Variants in STK39 observed in about 807,000 individuals in gnomAD.
STK39 encodes STE20/SPS1-related proline-alanine-rich protein kinase.
Under a neutral mutation model 77.8 loss-of-function variants are expected in STK39, and 20 were observed. That is an observed-to-expected ratio of 0.26 (90% CI 0.18 to 0.37). STK39 has a LOEUF of 0.37. Ranked by LOEUF, STK39 falls within the 10% of genes least tolerant of loss-of-function variation. The pLI is 1.00. For missense variants in STK39, 479 were observed against 656.5 expected (o/e 0.73, Z 2.95); for synonymous variants, 246 against 234.1 (o/e 1.05, Z -0.47).
chr2:168,109,202 T>C (rs1260361173), intron 10 of STK39, among the ~76,000 whole-genome samples: 2 of 152,250 alleles, frequency 1.3e-5, no homozygotes, highest in African/African-American at 2.4e-5. Context: ...AAAATATTGC[T>C]ACATGGCACA....
intron 1 of STK39, among the ~76,000 whole-genome samples, chr2:168,241,270 C>T (rs906692081): frequency 1.3e-5 from 2 of 152,206 alleles, no homozygotes; most frequent in African/African-American, 4.8e-5. Context: ...CCTCTGTCCT[C>T]GCACTGGCTG....
At chr2:168,057,378 A>C (rs1314513199) in intron 14 of STK39, among the ~76,000 whole-genome samples, 1 of 152,136 alleles carries the variant, frequency 6.6e-6, no homozygotes, top group East Asian at 1.9e-4. Flanking sequence ...TTTTTAGTAG[A>C]GACAGGGTTT....
intron 10 of STK39, among the ~76,000 whole-genome samples, chr2:168,077,414 C>A (rs1230430718): frequency 1.3e-5 from 2 of 151,646 alleles, no homozygotes; most frequent in Non-Finnish European, 2.9e-5. Flanking sequence ...ATTTTAGAGC[C>A]CTGGCTCTCT....
intron 1 of STK39, among the ~76,000 whole-genome samples, chr2:168,219,572 T>C (rs986687751): frequency 1.3e-5 from 2 of 152,130 alleles, no homozygotes; most frequent in African/African-American, 2.4e-5. Context: ...GTCAGACAGA[T>C]GCCCTTAGCT....
At chr2:168,013,836 A>G (rs78229625) in intron 15 of STK39, among the ~76,000 whole-genome samples, 1,228 of 87,108 alleles carry the variant, frequency 0.014, 12 homozygotes, top group African/African-American at 0.055. Context: ...GTGTGTGTGT[A>G]TGTGTTTGCA....
intron 14 of STK39, among the ~76,000 whole-genome samples, chr2:168,046,227 G>A (rs1015118799): frequency 1.3e-5 from 2 of 152,144 alleles, no homozygotes; most frequent in African/African-American, 2.4e-5. Context: ...TTAGCCGGGC[G>A]TGGTGGTGCA....
chr2:168,061,920 G>A (rs1685675255), intron 14 of STK39, among the ~76,000 whole-genome samples: 1 of 152,168 alleles, frequency 6.6e-6, no homozygotes. Flanking sequence ...TCTGATATTT[G>A]CACTAAGGGG....
chr2:168,164,283 AAC>A (rs775467743), intron 3 of STK39, among the ~76,000 whole-genome samples: 2 of 152,352 alleles, frequency 1.3e-5, no homozygotes, highest in Non-Finnish European at 2.9e-5. Context: ...AGAGAAAAAA[AAC>A]ACACTCTTTG....
chr2:167,993,257 C>T (rs1444386845), intron 16 of STK39, among the ~76,000 whole-genome samples: 2 of 152,210 alleles, frequency 1.3e-5, no homozygotes, highest in African/African-American at 4.8e-5. Flanking sequence ...AGCCTTCCAC[C>T]CCAATGTGCC....
intron 14 of STK39, among the ~76,000 whole-genome samples, chr2:168,018,714 T>G (rs1472177128): frequency 6.6e-6 from 1 of 152,152 alleles, no homozygotes; most frequent in Non-Finnish European, 1.5e-5. Context: ...GCTGGGAAAC[T>G]GAGCATTCGC....
At chr2:168,191,851 G>GAGTT (rs1689348321) in intron 1 of STK39, among the ~76,000 whole-genome samples, 1 of 152,204 alleles carries the variant, frequency 6.6e-6, no homozygotes, top group Non-Finnish European at 1.5e-5. Flanking sequence ...AGTTAACACA[G>GAGTT]AGTTACTCAG....
chr2:168,209,406 G>A (rs946012435), intron 1 of STK39, among the ~76,000 whole-genome samples: 1 of 152,220 alleles, frequency 6.6e-6, no homozygotes, highest in African/African-American at 2.4e-5. Context: ...GCCTGGCGCG[G>A]TGGCTCACGC....
rs927832161 is a variant in STK39 at position 167,990,331 on chromosome 2, T to C, written c.1498+22303A>G. ...TCTGGCTGGCTGGAGGTCAGTCAAATATATATTTTTTCTATTTCCAAAGAG... is the reference window on the plus strand; with the variant it reads ...TCTGGCTGGCTGGAGGTCAGTCAAACATATATTTTTTCTATTTCCAAAGAG... On this transcript the variant is annotated intron_variant, in intron 16 of 17. Coordinates refer to ENST00000355999, the MANE Select transcript of STK39 (RefSeq NM_013233.3). Among the ~76,000 whole-genome samples, 25 of 152,320 alleles carry C rather than the reference T, an allele frequency of 1.6e-4. 1 individual carries two copies. The highest frequency in any genetic ancestry group is 5.5e-4 in the African/African-American group (23 of 41,566).
chr2:168,139,119 A>G (rs1687911001), intron 7 of STK39, among the ~76,000 whole-genome samples: 1 of 152,216 alleles, frequency 6.6e-6, no homozygotes, highest in Admixed American at 6.5e-5. Flanking sequence ...CCACAGGAGA[A>G]AGCGGGAGAC....
At chr2:168,110,702 C>T (rs1687099873) in intron 10 of STK39, among the ~76,000 whole-genome samples, 1 of 152,246 alleles carries the variant, frequency 6.6e-6, no homozygotes, top group Non-Finnish European at 1.5e-5. Flanking sequence ...TTCCCTTTAT[C>T]ATTTGTCTAT....
chr2:168,197,931 G>A (rs577774333), intron 1 of STK39, among the ~76,000 whole-genome samples: 1 of 151,932 alleles, frequency 6.6e-6, no homozygotes, highest in East Asian at 1.9e-4. Context: ...CCATCTACTT[G>A]GGAGGCTGAG....
chr2:167,987,463 T>C (rs1445899266), intron 16 of STK39, among the ~76,000 whole-genome samples: 1 of 151,820 alleles, frequency 6.6e-6, no homozygotes. Flanking sequence ...CATGAAAAAA[T>C]AGGATATACT....
chr2:168,012,776 T>C (rs1684303712), intron 15 of STK39, 74 bp from the exon 16 acceptor site: 2 of 1,268,400 alleles, frequency 1.6e-6, no homozygotes, highest in South Asian at 3.2e-5. Context: ...ATGTAAAATA[T>C]ATATTTTTCA....
At chr2:168,022,348 C>T (rs1343045075) in intron 14 of STK39, among the ~76,000 whole-genome samples, 2 of 152,142 alleles carry the variant, frequency 1.3e-5, no homozygotes, top group Non-Finnish European at 2.9e-5. Context: ...ATTTAAGTTG[C>T]ACCCATTTAT....
Sources: gnomAD v4.1 joint callset for allele counts (sites outside exome capture counted in the v4.1 genomes callset) on GRCh38, gnomAD v4.1.1 for gene constraint, MANE v1.5 for transcripts, NCBI Gene and HGNC (gene_info 2026-07-23, HGNC 2026-07-21) for gene names.